The following JAZF1 variants were observed in gnomAD, a reference collection of about 807,000 sequenced individuals.
JAZF1 encodes the protein juxtaposed with another zinc finger protein 1.
Under a neutral mutation model 26.4 loss-of-function variants are expected in JAZF1, and 8 were observed. The observed-to-expected ratio is 0.30, with a 90% CI of 0.18 to 0.55. JAZF1 has a LOEUF of 0.55. JAZF1 is among the 20% of genes least tolerant of loss of function. The pLI is 0.94. For synonymous variants in JAZF1, 126 were observed against 122.3 expected, an observed-to-expected ratio of 1.03 and a Z score of -0.20; for missense variants, 199 against 322.0, an observed-to-expected ratio of 0.62 and a Z score of 2.92.
intron 3 of JAZF1, among the ~76,000 whole-genome samples, chr7:27,854,400 A>G (rs1184102380): frequency 6.6e-6 from 1 of 152,182 alleles, no homozygotes; most frequent in East Asian, 1.9e-4. Context: ...TATGAATTTG[A>G]TCCTGTCATT....
At chr7:27,881,607 G>A (rs1783773556) in intron 3 of JAZF1, among the ~76,000 whole-genome samples, 1 of 152,072 alleles carries the variant, frequency 6.6e-6, no homozygotes, top group South Asian at 2.1e-4. Context: ...AAAGGGTGGG[G>A]GCCTGCTCAA....
intron 2 of JAZF1, among the ~76,000 whole-genome samples, chr7:27,958,693 C>T (rs1303367769): frequency 6.6e-6 from 1 of 152,198 alleles, no homozygotes; most frequent in Non-Finnish European, 1.5e-5. Context: ...CGTTTCCTCA[C>T]CATAACTTGG....
intron 1 of JAZF1, among the ~76,000 whole-genome samples, chr7:28,029,746 A>T (rs1161000599): frequency 3.3e-5 from 5 of 152,220 alleles, no homozygotes; most frequent in Admixed American, 2.6e-4. Flanking sequence ...AAAAGAAAGC[A>T]ATGGCACCTT....
At chr7:28,006,550 G>T (rs547544457) in intron 1 of JAZF1, among the ~76,000 whole-genome samples, 1 of 152,124 alleles carries the variant, frequency 6.6e-6, no homozygotes, top group Non-Finnish European at 1.5e-5. Flanking sequence ...CTATCACTGC[G>T]TGTCTACTAT....
intron 1 of JAZF1, among the ~76,000 whole-genome samples, chr7:28,051,110 C>T (rs761283451): frequency 7.4e-5 from 9 of 121,080 alleles, no homozygotes; most frequent in East Asian, 2.5e-4. Context: ...CCAGCCCAGG[C>T]GATAGTGCAA....
At chr7:27,914,670 T>C (rs1371101120) in intron 2 of JAZF1, 2 of 465,414 alleles carry the variant, frequency 4.3e-6, no homozygotes, top group Non-Finnish European at 9.0e-6. Flanking sequence ...TACCTTGCAA[T>C]TGTTACTAGA....
chr7:28,020,276 G>A (rs1782981204), intron 1 of JAZF1, among the ~76,000 whole-genome samples: 1 of 152,110 alleles, frequency 6.6e-6, no homozygotes, highest in African/African-American at 2.4e-5. Context: ...GAATTCCTAA[G>A]GTGACTTGGG....
At chr7:27,874,296 C>A (rs1170764340) in intron 3 of JAZF1, among the ~76,000 whole-genome samples, 1 of 152,226 alleles carries the variant, frequency 6.6e-6, no homozygotes, top group African/African-American at 2.4e-5. Flanking sequence ...ACGTCCTTAG[C>A]AGAACATGAG....
At chr7:28,066,602 C>CA (rs911062551) in intron 1 of JAZF1, among the ~76,000 whole-genome samples, 3,678 of 30,762 alleles carry the variant, frequency 0.12, 296 homozygotes, top group East Asian at 0.31. Context: ...GACTCCATCT[C>CA]AAAAAAAAAA....
chr7:27,986,799 G>A (rs1364503116), intron 2 of JAZF1, among the ~76,000 whole-genome samples: 1 of 152,164 alleles, frequency 6.6e-6, no homozygotes, highest in East Asian at 1.9e-4. Flanking sequence ...GGGATTGCAG[G>A]CGCGCGCTGC....
chr7:27,907,289 C>T (rs1460548301), intron 2 of JAZF1, among the ~76,000 whole-genome samples: 1 of 152,204 alleles, frequency 6.6e-6, no homozygotes, highest in Non-Finnish European at 1.5e-5. Flanking sequence ...ATGAAAAGCC[C>T]TTGGCTCCAC....
chr7:28,143,092 C>T (rs1782981349), intron 1 of JAZF1, among the ~76,000 whole-genome samples: 1 of 152,164 alleles, frequency 6.6e-6, no homozygotes, highest in Admixed American at 6.5e-5. Context: ...TTTGTTTAAG[C>T]CTAGGTCCAA....
intron 1 of JAZF1, among the ~76,000 whole-genome samples, chr7:28,076,764 T>C (rs2127913417): frequency 6.6e-6 from 1 of 151,982 alleles, no homozygotes; most frequent in African/African-American, 2.4e-5. Flanking sequence ...AATAATTCCT[T>C]ACAGATGTTT....
chr7:28,120,695 A>C (rs1428801001), intron 1 of JAZF1, among the ~76,000 whole-genome samples: 1 of 151,782 alleles, frequency 6.6e-6, no homozygotes, highest in Non-Finnish European at 1.5e-5. Context: ...TGTCTGATGA[A>C]TTATTTGGAG....
chr7:27,901,795 T>C (rs1262376287), intron 2 of JAZF1, among the ~76,000 whole-genome samples: 1 of 152,196 alleles, frequency 6.6e-6, no homozygotes, highest in Non-Finnish European at 1.5e-5. Context: ...TTTTTCTACC[T>C]GTTAAAATTG....
At chr7:27,838,918 T>G (rs1782870580) in intron 4 of JAZF1, among the ~76,000 whole-genome samples, 1 of 152,108 alleles carries the variant, frequency 6.6e-6, no homozygotes, top group Admixed American at 6.5e-5. Context: ...CAGCAGCCCC[T>G]TCAGCCCAAG....
In JAZF1 at chr7:27,989,072, T is replaced by C. The variant is rs534935150; in HGVS notation, c.188+2837A>G. Among the ~76,000 whole-genome samples the C allele has an allele frequency of 2.6e-5, 4 of 152,226 alleles. No homozygotes were observed. The South Asian group carries it at 8.3e-4, about 32-fold the overall frequency. ...GGCTACAGTAACCAAAACAGCATGG[T>C]ACTGGTACCAAAACAGAGATGTAGA... On this transcript the variant is annotated intron_variant, in intron 2 of 4. Coordinates refer to ENST00000283928, the MANE Select transcript of JAZF1 (RefSeq NM_175061.4).
At chr7:27,997,588 A>T (rs540750660) in intron 1 of JAZF1, among the ~76,000 whole-genome samples, 1 of 152,154 alleles carries the variant, frequency 6.6e-6, no homozygotes, top group Non-Finnish European at 1.5e-5. Context: ...CTTAAGAGTC[A>T]AAGTCTTGCT....
intron 1 of JAZF1, among the ~76,000 whole-genome samples, chr7:28,007,667 G>A (rs549681007): frequency 1.3e-5 from 2 of 152,308 alleles, no homozygotes; most frequent in South Asian, 4.1e-4. Context: ...TTGCCATGGT[G>A]GCAGGAATCA....
Sources: gnomAD v4.1 joint callset for allele counts (sites outside exome capture counted in the v4.1 genomes callset) on GRCh38, gnomAD v4.1.1 for gene constraint, MANE v1.5 for transcripts, NCBI Gene and HGNC (gene_info 2026-07-23, HGNC 2026-07-21) for gene names.